HSPH1: variants seen among roughly 807,000 people sequenced by gnomAD.
HSPH1 encodes the protein heat shock protein family H (Hsp110) member 1, also known as heat shock protein 105 kDa.
A neutral mutation model predicts 100.0 loss-of-function variants in HSPH1; 40 were observed. That is an observed-to-expected ratio of 0.40 (90% CI 0.31 to 0.52). The LOEUF (loss-of-function observed/expected upper bound fraction) is 0.52, where lower values mean the gene tolerates loss of function less well. Among genes scored for constraint, HSPH1 ranks in the 20% least tolerant of loss-of-function variants. HSPH1 has a pLI of 0.54. For synonymous variants in HSPH1, 403 were observed against 344.0 expected (o/e 1.17, Z -1.90); for missense variants, 876 against 1,015.1 (o/e 0.86, Z 1.86).
rs770360069 is a variant in HSPH1 at position 31,152,818 on chromosome 13, T to C, written c.529+34A>G. On this transcript the variant is annotated intron_variant, in intron 5 of 17. Transcript: ENST00000320027. Reference sequence around the variant, plus strand: ...CTGAGAACATCTTTAGTTCTGATAGTATATTCACTTCCACACAAATGCCTT... The same window carrying C: ...CTGAGAACATCTTTAGTTCTGATAGCATATTCACTTCCACACAAATGCCTT... 1.1e-5 allele frequency: 15 copies of C among 1,314,846 alleles called. 1 individual carries two copies. The South Asian group carries it at 1.6e-4, about 14-fold the overall frequency. 81.4% of individuals were successfully genotyped at this position (1,314,846 alleles called of 1,614,324 possible).
chr13:31,146,201 T>A (rs531780453), intron 10 of HSPH1, among the ~76,000 whole-genome samples: 41 of 152,208 alleles, frequency 2.7e-4, no homozygotes, highest in Non-Finnish European at 5.6e-4. Flanking sequence ...GCTAAAAAAA[T>A]AACACTTGAG....
chr13:31,139,446 A>G (rs1337883527), intron 14 of HSPH1, among the ~76,000 whole-genome samples: 3 of 152,044 alleles, frequency 2.0e-5, no homozygotes, highest in African/African-American at 7.2e-5. Flanking sequence ...AACACATGAA[A>G]AAATCATTCC....
At chr13:31,160,531 TTTG>T (rs2137669580) in intron 1 of HSPH1, among the ~76,000 whole-genome samples, 1 of 152,370 alleles carries the variant, frequency 6.6e-6, no homozygotes, top group South Asian at 2.1e-4. Context: ...GATGAAATCA[TTTG>T]TTTTCATCAA....
chr13:31,150,809 A>G, intron 7 of HSPH1, 138 bp downstream of exon 7: 3 of 821,910 alleles, frequency 3.7e-6, no homozygotes, highest in East Asian at 2.6e-5. Flanking sequence ...GTGATAAACA[A>G]CAGCATCTCC....
rs1031215974 is a variant in HSPH1 at position 31,161,797 on chromosome 13, C to T, written c.-215G>A. ...ACAGCGGCGGCTGGCTGATAAGAAA[C>T]CCTGGGAGAAAGCGGGGCTCAGCCT... is the stretch of plus-strand genomic sequence containing the variant. On this transcript the variant is annotated 5_prime_UTR_variant, in exon 1 of 18. Transcript: ENST00000320027. 55 of 1,490,276 alleles carry T rather than the reference C, an allele frequency of 3.7e-5. No homozygotes were observed. The East Asian group carries it at 1.3e-3, about 34-fold the overall frequency. The allele number at this position is 1,490,276 out of a possible 1,614,324, so 92.3% of individuals were successfully genotyped here. A position where few individuals can be genotyped will look rare whatever the true frequency, so the allele number is the denominator to read the frequency against.
At chr13:31,158,768 C>G in intron 2 of HSPH1, 38 bp downstream of exon 2, 1 of 1,339,680 alleles carries the variant, frequency 7.5e-7, no homozygotes. Flanking sequence ...AAAAACTCCC[C>G]CCTTAAAAAG....
Position 31,145,618 on chromosome 13 carries a change from G to C in HSPH1, c.1529C>G (p.Ser510Cys). ...KVPTEENEMS[S>C]EADMECLNQR... ...ATTCAGACACTCCATGTCAGCTTCAGAAGACATTTCATTCTCCTCAGTTGG... is the reference window on the plus strand; with the variant it reads ...ATTCAGACACTCCATGTCAGCTTCACAAGACATTTCATTCTCCTCAGTTGG... The change falls in exon 11 of 18, where the codon TCT becomes TGT. Residue 510 changes from serine to cysteine, a missense_variant. By Grantham distance (112) the Ser-to-Cys change is moderately radical. Coordinates refer to ENST00000320027, the MANE Select transcript of HSPH1 (RefSeq NM_006644.4). The C allele has an allele frequency of 6.2e-7, 1 of 1,613,656 alleles. No homozygotes were observed. Among genetic ancestry groups the C allele is most frequent in the Non-Finnish European group, 8.5e-7 (1 of 1,179,782 alleles).
chr13:31,150,630 T>C (rs1473587814), intron 7 of HSPH1, among the ~76,000 whole-genome samples: 2 of 152,198 alleles, frequency 1.3e-5, no homozygotes, highest in African/African-American at 4.8e-5. Context: ...CAATGGTTAT[T>C]TCCAGTCCCT....
chr13:31,138,733 T>A lies in HSPH1; in HGVS notation c.2208+48A>T. The A allele has an allele frequency of 1.3e-6, 2 of 1,573,822 alleles. 1 individual carries two copies. ...GATTCCCAGCTTAAGTGTTAGCTTA[T>A]TAAAATCTAGGTTAACTTCCTCCCT... is the stretch of plus-strand genomic sequence containing the variant. On this transcript the variant is annotated intron_variant, in intron 16 of 17. Transcript: ENST00000320027.
chr13:31,138,623 T>C, intron 16 of HSPH1, 55 bp from the exon 17 acceptor site: 4 of 1,545,618 alleles, frequency 2.6e-6, no homozygotes, highest in Non-Finnish European at 2.6e-6. Flanking sequence ...TAGTATCTCA[T>C]TTGACTCAAC....
rs998594418 is a variant in HSPH1, at chr13:31,145,778, C to T, written c.1379-10G>A. ...TGAACTACAAAGCGGCCTAGAACAA[C>T]AACAACAAAAATCACAAAATCACAA... is the stretch of plus-strand genomic sequence containing the variant. On this transcript the variant is annotated splice_polypyrimidine_tract_variant and intron_variant, in intron 10 of 17. Coordinates refer to ENST00000320027, the MANE Select transcript of HSPH1 (RefSeq NM_006644.4). The T allele has an allele frequency of 1.2e-6, 2 of 1,611,780 alleles. No individual in the cohort carries two copies. The highest frequency in any genetic ancestry group is 1.1e-5 in the South Asian group (1 of 91,030).
intron 12 of HSPH1, among the ~76,000 whole-genome samples, chr13:31,143,215 TA>T (rs1474432729): frequency 6.6e-6 from 1 of 152,164 alleles, no homozygotes; most frequent in Non-Finnish European, 1.5e-5. Flanking sequence ...CCATGAATCT[TA>T]AAGGTTTGAT....
chr13:31,150,089 A>G lies in HSPH1; in HGVS notation c.1002T>C (p.Asp334=), dbSNP rs1214186072. 2 of 1,613,766 alleles carry G rather than the reference A, an allele frequency of 1.2e-6. No homozygotes were observed. The highest frequency in any genetic ancestry group is 1.7e-6 in the Non-Finnish European group (2 of 1,179,736). The stretch of plus-strand genomic sequence containing the variant: ...CTCCAACAATCTCAACTGCACTCAC[A>G]TCTTCTACTTTGAGATGAGTTTGTT... The part of the protein sequence containing the change: ...LLEQTHLKVE[D]VSAVEIVGGA... The change falls in exon 8 of 18, where the codon GAT becomes GAC. Residue 334 remains aspartate (D), a synonymous_variant. Coordinates refer to ENST00000320027, the MANE Select transcript of HSPH1 (RefSeq NM_006644.4).
chr13:31,137,582 A>G lies in HSPH1; in HGVS notation c.2371-58T>C, dbSNP rs116532480. 1.1e-5 allele frequency: 14 copies of G among 1,275,194 alleles called. No homozygotes were observed. In the African/African-American group the frequency reaches 1.8e-4, roughly 16 times the overall value. The allele number at this position is 1,275,194 out of a possible 1,614,324, so 79.0% of individuals were successfully genotyped here. A position where few individuals can be genotyped will look rare whatever the true frequency, so the allele number is the denominator to read the frequency against. On this transcript the variant is annotated intron_variant, in intron 17 of 17. Transcript: ENST00000320027. The stretch of plus-strand genomic sequence containing the variant: ...CTCAGATCCATCCAGTTCATTTTCA[A>G]CTGCTTCTCCACATACTCAACCCAC...
chr13:31,154,581 C>T, intron 4 of HSPH1, 52 bp downstream of exon 4: 2 of 1,607,750 alleles, frequency 1.2e-6, no homozygotes, highest in Non-Finnish European at 1.7e-6. Flanking sequence ...AAAAGTAATA[C>T]AAAGAACGCA....
chr13:31,152,465 T>A (rs1189917468), intron 5 of HSPH1: 1 of 209,672 alleles, frequency 4.8e-6, no homozygotes, highest in Non-Finnish European at 9.6e-6. Flanking sequence ...TGATCACCTA[T>A]CTACAGTTCA....
At chr13:31,153,289 C>G (rs1956553148) in intron 4 of HSPH1, among the ~76,000 whole-genome samples, 1 of 152,168 alleles carries the variant, frequency 6.6e-6, no homozygotes, top group African/African-American at 2.4e-5. Flanking sequence ...TGCTTCCAAA[C>G]TAGTTGTAAG....
At chr13:31,138,103 A>G (rs1378036909) in intron 17 of HSPH1, among the ~76,000 whole-genome samples, 3 of 152,090 alleles carry the variant, frequency 2.0e-5, no homozygotes, top group Admixed American at 2.0e-4. Flanking sequence ...CCATTACAAG[A>G]TGAGTTCCAT....
At position 31,135,352 on chromosome 13, in the gene HSPH1, CAATGTGTA is replaced by C. The variant is rs1955859154; in HGVS notation, c.*1958_*1965del. ...AGAACACAAACCTATCTTCACTTCT[CAATGTGTA>C]AATGTGTATCTACTAAGTATACATT... is the stretch of plus-strand genomic sequence containing the variant. On this transcript the variant is annotated 3_prime_UTR_variant, in exon 18 of 18. Coordinates refer to ENST00000320027, the MANE Select transcript of HSPH1 (RefSeq NM_006644.4). 1 of 152,176 alleles carries C rather than the reference CAATGTGTA, an allele frequency of 6.6e-6. No homozygotes were observed. The highest frequency in any genetic ancestry group is 1.5e-5 in the Non-Finnish European group (1 of 68,034). 9.4% of individuals were successfully genotyped at this position (152,176 alleles called of 1,614,324 possible). A position where few individuals can be genotyped will look rare whatever the true frequency, so the allele number is the denominator to read the frequency against.
Sources: allele counts gnomAD v4.1 joint callset (sites outside exome capture counted in the v4.1 genomes callset), GRCh38; gene constraint gnomAD v4.1.1; transcripts MANE v1.5; gene names NCBI Gene and HGNC (gene_info 2026-07-23, HGNC 2026-07-21).